PRKCA: variants seen among roughly 807,000 people sequenced by gnomAD.
PRKCA encodes protein kinase C alpha, also known as protein kinase C alpha type.
Under a neutral mutation model 87.0 loss-of-function variants are expected in PRKCA, and 27 were observed. That is an observed-to-expected ratio of 0.31 (90% CI 0.23 to 0.43). The LOEUF is 0.43. Ranked by LOEUF, PRKCA falls within the 20% of genes least tolerant of loss-of-function variation. The probability of loss-of-function intolerance (pLI) is 1.00; values close to 1 mark genes in which losing one functional copy is unlikely to be tolerated. For synonymous variants in PRKCA, 329 were observed against 311.1 expected, an observed-to-expected ratio of 1.06 and a Z score of -0.61; for missense variants, 518 against 852.3, an observed-to-expected ratio of 0.61 and a Z score of 4.88.
intron 5 of PRKCA, among the ~76,000 whole-genome samples, chr17:66,645,812 AG>A (rs905995611): frequency 6.8e-6 from 1 of 147,108 alleles, no homozygotes; most frequent in Admixed American, 6.6e-5. Context: ...TCCCGGTGAC[AG>A]GGGGTCAGGG....
chr17:66,551,036 T>C (rs72845905), intron 3 of PRKCA, among the ~76,000 whole-genome samples: 8,901 of 152,262 alleles, frequency 0.058, 336 homozygotes, highest in Non-Finnish European at 0.084. Flanking sequence ...CTTAAAACAA[T>C]TGATGTTTAT....
intron 8 of PRKCA, among the ~76,000 whole-genome samples, chr17:66,707,326 G>A (rs1027918169): frequency 6.6e-6 from 1 of 152,164 alleles, no homozygotes; most frequent in African/African-American, 2.4e-5. Context: ...TGATTCCAGA[G>A]TAAGAACCTC....
chr17:66,386,613 T>A (rs1388124797), intron 2 of PRKCA, among the ~76,000 whole-genome samples: 1 of 152,242 alleles, frequency 6.6e-6, no homozygotes, highest in East Asian at 1.9e-4. Context: ...TAGCTCTGTA[T>A]GGCTGCCTGT....
chr17:66,309,200 C>A (rs1446303143), intron 2 of PRKCA, among the ~76,000 whole-genome samples: 1 of 152,012 alleles, frequency 6.6e-6, no homozygotes, highest in Non-Finnish European at 1.5e-5. Context: ...AGCTTTAGAT[C>A]CAAAATATTT....
chr17:66,635,278 G>A (rs1273240145), intron 3 of PRKCA, among the ~76,000 whole-genome samples: 1 of 152,046 alleles, frequency 6.6e-6, no homozygotes, highest in Non-Finnish European at 1.5e-5. Flanking sequence ...GATGAATTTG[G>A]TAGCTATCAG....
chr17:66,557,712 A>G (rs1017254870), intron 3 of PRKCA, among the ~76,000 whole-genome samples: 4 of 152,180 alleles, frequency 2.6e-5, no homozygotes, highest in African/African-American at 7.2e-5. Context: ...CAGCAATACT[A>G]TCAGTGCTGC....
At chr17:66,562,082 T>C (rs1046576819) in intron 3 of PRKCA, among the ~76,000 whole-genome samples, 13 of 113,854 alleles carry the variant, frequency 1.1e-4, no homozygotes, top group African/African-American at 3.6e-4. Flanking sequence ...AAATTATATA[T>C]ATAATTAAAT....
At chr17:66,553,981 A>T (rs974669250) in intron 3 of PRKCA, among the ~76,000 whole-genome samples, 1 of 152,174 alleles carries the variant, frequency 6.6e-6, no homozygotes, top group Non-Finnish European at 1.5e-5. Flanking sequence ...AGTGGTTCAG[A>T]GGCTGGGGTA....
chr17:66,494,195 T>C (rs1356361761), intron 2 of PRKCA, among the ~76,000 whole-genome samples: 1 of 152,212 alleles, frequency 6.6e-6, no homozygotes, highest in Non-Finnish European at 1.5e-5. Flanking sequence ...TGTATTATCA[T>C]TGGTGAGAGG....
intron 3 of PRKCA, among the ~76,000 whole-genome samples, chr17:66,536,375 G>A (rs1967782701): frequency 1.3e-5 from 2 of 152,320 alleles, no homozygotes; most frequent in South Asian, 4.1e-4. Flanking sequence ...TCAGAGAAAA[G>A]CCACAGAAAA....
intron 3 of PRKCA, among the ~76,000 whole-genome samples, chr17:66,596,081 C>G (rs886119548): frequency 2.0e-5 from 3 of 152,154 alleles, no homozygotes; most frequent in African/African-American, 7.2e-5. Flanking sequence ...CGTGTGGAGC[C>G]GGCTAGCACG....
chr17:66,448,489 G>A (rs966047808), intron 2 of PRKCA, among the ~76,000 whole-genome samples: 1 of 152,164 alleles, frequency 6.6e-6, no homozygotes, highest in Non-Finnish European at 1.5e-5. Flanking sequence ...ACACGTTGCA[G>A]TGAACTCCCA....
chr17:66,302,763 A>G lies in PRKCA; in HGVS notation c.-89A>G. 8.3e-7 allele frequency: 1 copy of G among 1,198,356 alleles called. No individual in the cohort carries two copies. The highest frequency in any genetic ancestry group is 1.1e-6 in the Non-Finnish European group (1 of 934,534). The allele number at this position is 1,198,356 out of a possible 1,614,324, so 74.2% of individuals were successfully genotyped here. On this transcript the variant is annotated 5_prime_UTR_variant, in exon 1 of 17. Coordinates refer to ENST00000413366, the MANE Select transcript of PRKCA (RefSeq NM_002737.3). ...GCGCCCCGCGCCCGGGGTCGCCCCG[A>G]GCCCGCACCTCTCCCCCGCCGCCCC...
At chr17:66,452,643 AC>A (rs200201441) in intron 2 of PRKCA, among the ~76,000 whole-genome samples, 5,841 of 152,260 alleles carry the variant, frequency 0.038, 154 homozygotes, top group Admixed American at 0.057. Context: ...CATCCAAGAA[AC>A]CCACCAGTGG....
chr17:66,688,967 C>G lies in PRKCA; in HGVS notation c.838C>G (p.Gln280Glu). 1 of 1,603,944 alleles carries G rather than the reference C, an allele frequency of 6.2e-7. No individual in the cohort carries two copies. The stretch of plus-strand genomic sequence containing the variant: ...CCTTGAAAGGTACAAGTTGCTTAAC[C>G]AAGAAGAAGGTGAGTACTACAACGT... ...PASGWYKLLN[Q>E]EEGEYYNVPI... The change falls in exon 8 of 17, where the codon CAA (glutamine) becomes GAA (glutamate). Residue 280 changes from glutamine to glutamate, a missense_variant. Transcript: ENST00000413366.
At chr17:66,513,094 A>T (rs537995619) in intron 3 of PRKCA, among the ~76,000 whole-genome samples, 1 of 152,332 alleles carries the variant, frequency 6.6e-6, no homozygotes, top group East Asian at 1.9e-4. Flanking sequence ...CTTTCCACCA[A>T]CTTGAAAGCA....
At chr17:66,574,244 G>T (rs1316319397) in intron 3 of PRKCA, among the ~76,000 whole-genome samples, 1 of 152,168 alleles carries the variant, frequency 6.6e-6, no homozygotes, top group Non-Finnish European at 1.5e-5. Context: ...TTATAAGGGT[G>T]TTTGTGTTGA....
chr17:66,479,621 T>C (rs1297713577), intron 2 of PRKCA, among the ~76,000 whole-genome samples: 1 of 152,170 alleles, frequency 6.6e-6, no homozygotes, highest in Non-Finnish European at 1.5e-5. Context: ...CCATCAATGA[T>C]AGACTGGATA....
chr17:66,622,540 A>T (rs1970715877), intron 3 of PRKCA, among the ~76,000 whole-genome samples: 2 of 152,232 alleles, frequency 1.3e-5, no homozygotes, highest in African/African-American at 4.8e-5. Flanking sequence ...TTTCATTTTA[A>T]TGTGGAAAAC....
Sources: gnomAD v4.1 joint callset for allele counts (sites outside exome capture counted in the v4.1 genomes callset) on GRCh38, gnomAD v4.1.1 for gene constraint, MANE v1.5 for transcripts, NCBI Gene and HGNC (gene_info 2026-07-23, HGNC 2026-07-21) for gene names.